The following CAPN14 variants were observed in gnomAD, a reference collection of about 807,000 sequenced individuals.
CAPN14 encodes calpain-14.
Under a neutral mutation model 101.3 loss-of-function variants are expected in CAPN14, and 94 were observed. The observed-to-expected ratio is 0.93, with a 90% confidence interval of 0.79 to 1.10. The LOEUF is 1.10. Ranked by LOEUF, CAPN14 falls within the 50% of genes least tolerant of loss-of-function variation. The pLI is 0.00. For synonymous variants in CAPN14, 338 were observed against 317.9 expected, an observed-to-expected ratio of 1.06 and a Z score of -0.67; for missense variants, 837 against 828.4, an observed-to-expected ratio of 1.01 and a Z score of -0.13.
At position 31,195,041 on chromosome 2, in the gene CAPN14, C is replaced by T. The variant is rs545420833; in HGVS notation, c.876-558G>A. Among the ~76,000 whole-genome samples the T allele has an allele frequency of 2.6e-5, 4 of 152,214 alleles. No individual in the cohort carries two copies. The South Asian group carries it at 6.2e-4, about 24-fold the overall frequency. The stretch of plus-strand genomic sequence containing the variant: ...TTCCTGAAGGTAATTTCCTGGCCAG[C>T]GCTACAGGGAGAGGGACTCAAAAAA... On this transcript the variant is annotated intron_variant, in intron 8 of 21. Coordinates refer to ENST00000403897, the MANE Select transcript of CAPN14 (RefSeq NM_001145122.2).
intron 12 of CAPN14, 94 bp downstream of exon 12, chr2:31,191,305 A>C (rs1259607715): frequency 3.2e-6 from 4 of 1,240,916 alleles, no homozygotes; most frequent in African/African-American, 3.1e-5. Flanking sequence ...CTTACGCAGT[A>C]GAAGCCTGCT....
At chr2:31,202,552 T>C (rs1402751972) in intron 3 of CAPN14, among the ~76,000 whole-genome samples, 1 of 152,154 alleles carries the variant, frequency 6.6e-6, no homozygotes, top group Non-Finnish European at 1.5e-5. Context: ...ACTCACTTTT[T>C]CCAAATCTTG....
At position 31,191,949 on chromosome 2, in the gene CAPN14, A is replaced by C; in HGVS notation, c.1264T>G (p.Phe422Val). 6.4e-7 allele frequency: 1 copy of C among 1,550,936 alleles called. No individual in the cohort carries two copies. The highest frequency in any genetic ancestry group is 8.7e-7 in the Non-Finnish European group (1 of 1,146,610). ...RKRKPLLAIG[F>V]YLYRMNKYHD... ...GGTCCACCTACCCTATACAGGTAGAAGCCAATGGCGAGGAGAGGCTTCCGC... is the reference window on the plus strand; with the variant it reads ...GGTCCACCTACCCTATACAGGTAGACGCCAATGGCGAGGAGAGGCTTCCGC... The change falls in exon 11 of 22, where the codon TTC becomes GTC. Residue 422 changes from phenylalanine to valine, a missense_variant. By Grantham distance (50) the Phe-to-Val change is conservative (BLOSUM62 -1). Coordinates refer to ENST00000403897, the MANE Select transcript of CAPN14 (RefSeq NM_001145122.2).
At chr2:31,187,972 G>C (rs1558616884) in intron 14 of CAPN14, among the ~76,000 whole-genome samples, 158 bp from the exon 15 acceptor site, 1 of 152,158 alleles carries the variant, frequency 6.6e-6, no homozygotes, top group East Asian at 1.9e-4. Context: ...AACAGCCCTT[G>C]CTTCTCCAAT....
chr2:31,211,471 T>C (rs983083551), intron 1 of CAPN14, among the ~76,000 whole-genome samples: 1 of 152,038 alleles, frequency 6.6e-6, no homozygotes. Flanking sequence ...GAAAATGTAT[T>C]AGGAAAAAAA....
At chr2:31,203,001 C>T in intron 3 of CAPN14, 69 bp downstream of exon 3, 1 of 1,332,784 alleles carries the variant, frequency 7.5e-7, no homozygotes, top group African/African-American at 1.5e-5. Context: ...CTTTATCAAC[C>T]ACTCTGTCTT....
upstream of CAPN14, among the ~76,000 whole-genome samples, chr2:31,220,345 AC>A (rs201798843): frequency 0.025 from 3,767 of 152,350 alleles, 60 homozygotes; most frequent in Non-Finnish European, 0.038. Flanking sequence ...ATCCAACACA[AC>A]TGTAAATAAG....
At chr2:31,176,976 A>G (rs1372089027) in intron 20 of CAPN14, 50 bp downstream of exon 20, 1 of 1,316,798 alleles carries the variant, frequency 7.6e-7, no homozygotes, top group South Asian at 1.3e-5. Flanking sequence ...GTGGGAAGTC[A>G]TGGGGCAGCA....
intron 19 of CAPN14, 47 bp from the exon 20 acceptor site, chr2:31,177,189 C>G (rs1572384731): frequency 7.5e-7 from 1 of 1,337,796 alleles, no homozygotes; most frequent in East Asian, 2.5e-5. Context: ...GGCTTGCACC[C>G]AGCTCCCCTC....
Position 31,174,533 on chromosome 2 carries a change from A to C in CAPN14, c.*148T>G, listed in dbSNP as rs1680199260. 5.3e-6 allele frequency: 4 copies of C among 759,254 alleles called. No homozygotes were observed. The highest frequency in any genetic ancestry group is 8.8e-6 in the Non-Finnish European group (4 of 456,376). The allele number at this position is 759,254 out of a possible 1,614,324, so 47.0% of individuals were successfully genotyped here. A position where few individuals can be genotyped will look rare whatever the true frequency, so the allele number is the denominator to read the frequency against. On this transcript the variant is annotated 3_prime_UTR_variant, in exon 22 of 22. Transcript: ENST00000403897. ...TGGCCATGCACGGGGAGGGCTGCAGAAGAGAAACCTTCCCAGCTGAGAAGG... is the reference window on the plus strand; with the variant it reads ...TGGCCATGCACGGGGAGGGCTGCAGCAGAGAAACCTTCCCAGCTGAGAAGG...
chr2:31,208,656 A>C (rs1682229955), intron 1 of CAPN14, among the ~76,000 whole-genome samples: 1 of 152,202 alleles, frequency 6.6e-6, no homozygotes, highest in African/African-American at 2.4e-5. Context: ...AGATGAAACC[A>C]GTTGGCGGTT....
At chr2:31,194,281 A>C in intron 9 of CAPN14, 128 bp downstream of exon 9, 1 of 685,972 alleles carries the variant, frequency 1.5e-6, no homozygotes, top group South Asian at 1.7e-5. Context: ...GTGAGCTCCT[A>C]AAGGGATGGT....
At chr2:31,191,533 G>C in intron 11 of CAPN14, 126 bp from the exon 12 acceptor site, 2 of 876,116 alleles carry the variant, frequency 2.3e-6, no homozygotes. Flanking sequence ...GCTCTACCCA[G>C]AAGCCGTGTC....
chr2:31,176,309 C>A (rs568714242), intron 21 of CAPN14, among the ~76,000 whole-genome samples: 1 of 152,248 alleles, frequency 6.6e-6, no homozygotes, highest in Non-Finnish European at 1.5e-5. Flanking sequence ...GCTTGTCATA[C>A]ATATGCTGCT....
intron 1 of CAPN14, among the ~76,000 whole-genome samples, chr2:31,216,682 C>A (rs1246708332): frequency 6.6e-6 from 1 of 152,138 alleles, no homozygotes; most frequent in Non-Finnish European, 1.5e-5. Context: ...CCCACCAAAA[C>A]ATTGTCACCC....
At chr2:31,201,026 T>C (rs185909500) in intron 5 of CAPN14, among the ~76,000 whole-genome samples, 2 of 152,258 alleles carry the variant, frequency 1.3e-5, no homozygotes, top group Non-Finnish European at 2.9e-5. Flanking sequence ...AGAAAAGGCA[T>C]GTGTCCACCA....
At chr2:31,176,487 TA>T in intron 21 of CAPN14, 99 bp downstream of exon 21, 1 of 834,928 alleles carries the variant, frequency 1.2e-6, no homozygotes, top group South Asian at 1.5e-5. Context: ...TTCAGCAGAA[TA>T]AAGTGTCCCC....
Position 31,178,552 on chromosome 2 carries a change from G to T in CAPN14, c.1738C>A (p.Gln580Lys), listed in dbSNP as rs1398605237. 6.5e-7 allele frequency: 1 copy of T among 1,548,784 alleles called. No individual in the cohort carries two copies. Among genetic ancestry groups the T allele is most frequent in the Non-Finnish European group, 8.7e-7 (1 of 1,145,882 alleles). ...TGCTTCCACAGGTCCCTGAATTCCTGGATGCTCATAGTACCTGATGCATTA... is the reference window on the plus strand; with the variant it reads ...TGCTTCCACAGGTCCCTGAATTCCTTGATGCTCATAGTACCTGATGCATTA... The part of the protein sequence containing the change: ...DLNASGTMSI[Q>K]EFRDLWKQLK... Residue 580 changes from glutamine to lysine, a missense_variant, in exon 18 of 22, where the codon CAG becomes AAG. Transcript: ENST00000403897.
intron 16 of CAPN14, among the ~76,000 whole-genome samples, chr2:31,185,691 C>T (rs565280069): frequency 1.7e-4 from 26 of 152,278 alleles, no homozygotes; most frequent in African/African-American, 5.8e-4. Flanking sequence ...TTTGCAAATT[C>T]TTTCAAACCC....
Sources: gnomAD v4.1 joint callset for allele counts (sites outside exome capture counted in the v4.1 genomes callset) on GRCh38, gnomAD v4.1.1 for gene constraint, MANE v1.5 for transcripts, NCBI Gene and HGNC (gene_info 2026-07-23, HGNC 2026-07-21) for gene names.